The following KCNQ1 variants were observed in gnomAD, a reference collection of about 807,000 sequenced individuals.
KCNQ1 encodes the protein potassium voltage-gated channel subfamily Q member 1.
In KCNQ1, 49 loss-of-function variants were observed where a neutral mutation model predicts 72.4. The ratio of observed to expected loss-of-function variants is 0.68; its 90% CI spans 0.54 to 0.86. The LOEUF (loss-of-function observed/expected upper bound fraction) is 0.86. Among genes scored for constraint, KCNQ1 ranks in the 40% least tolerant of loss-of-function variants. The probability of loss-of-function intolerance (pLI) is 0.00; values close to 1 mark genes in which losing one functional copy is unlikely to be tolerated. For synonymous variants in KCNQ1, 450 were observed against 412.6 expected, an observed-to-expected ratio of 1.09 and a Z score of -1.10; for missense variants, 790 against 945.1, an observed-to-expected ratio of 0.84 and a Z score of 2.15.
In KCNQ1 at chr11:2,623,146, G is replaced by A; in HGVS notation, c.1393+34292G>A. On this transcript the variant is annotated intron_variant, in intron 10 of 15. Coordinates refer to ENST00000155840, the MANE Select transcript of KCNQ1 (RefSeq NM_000218.3). The surrounding 1 kb of genome is among the most constrained non-coding windows in gnomAD (Gnocchi z 5.2). ...CCATCTCACTTTCTTTCCCTCTCCT[G>A]TTCTGCCATGGTAAAGATGTGCCTG... is the stretch of plus-strand genomic sequence containing the variant. 2 of 398,606 alleles carry A rather than the reference G, an allele frequency of 5.0e-6. No homozygotes were observed. Among genetic ancestry groups the A allele is most frequent in the East Asian group, 3.6e-5 (1 of 28,070 alleles). The allele number at this position is 398,606 out of a possible 1,614,324, so 24.7% of individuals were successfully genotyped here.
At position 2,670,910 on chromosome 11, in the gene KCNQ1, G is replaced by A. The variant is rs1175860715; in HGVS notation, c.1514+8829G>A. 1.3e-5 allele frequency: 5 copies of A among 398,688 alleles called. No individual in the cohort carries two copies. Among genetic ancestry groups the A allele is most frequent in the Middle Eastern group, 6.3e-4 (1 of 1,588 alleles). 24.7% of individuals were successfully genotyped at this position (398,688 alleles called of 1,614,324 possible). The stretch of plus-strand genomic sequence containing the variant: ...TGGATTGCCTGGACAAGGCTGACCT[G>A]CCCTCCCAGGATGCAAATTGGCAGG... On this transcript the variant is annotated intron_variant, in intron 11 of 15. Transcript: ENST00000155840. This position sits in a 1 kb window ranked among gnomAD's most constrained non-coding sequence, Gnocchi z 4.9.
chr11:2,558,766 G>A (rs1564816414), intron 2 of KCNQ1, among the ~76,000 whole-genome samples: 1 of 152,160 alleles, frequency 6.6e-6, no homozygotes, highest in African/African-American at 2.4e-5. Context: ...TAAAATTACT[G>A]AGAGGCCCCA....
chr11:2,461,321 G>A (rs1260398462), intron 1 of KCNQ1: 3 of 888,616 alleles, frequency 3.4e-6, no homozygotes, highest in Non-Finnish European at 4.5e-6. Context: ...CAGATTTGTA[G>A]TCTGGTTGCT....
rs1846708751 is a variant in KCNQ1 at position 2,484,766 on chromosome 11, G to A, written c.386+39282G>A. On this transcript the variant is annotated intron_variant, in intron 1 of 15. Coordinates refer to ENST00000155840, the MANE Select transcript of KCNQ1 (RefSeq NM_000218.3). The surrounding 1 kb of genome is among the most constrained non-coding windows in gnomAD (Gnocchi z 5.2). Reference sequence around the variant, plus strand: ...CGCCCACTCGGCCGACGGAGCTGGGGAATATGTGTATGGCACCCCCACGTC... The same window carrying A: ...CGCCCACTCGGCCGACGGAGCTGGGAAATATGTGTATGGCACCCCCACGTC... 6.6e-6 allele frequency among the ~76,000 whole-genome samples: 1 copy of A among 152,186 alleles called. No individual in the cohort carries two copies. Among genetic ancestry groups the A allele is most frequent in the Non-Finnish European group, 1.5e-5 (1 of 68,032 alleles).
intron 2 of KCNQ1, among the ~76,000 whole-genome samples, chr11:2,556,320 T>C (rs1848070042): frequency 6.6e-6 from 1 of 152,190 alleles, no homozygotes; most frequent in Admixed American, 6.5e-5. Flanking sequence ...TGCTGGAGGG[T>C]CTAGGACCTC....
intron 11 of KCNQ1, among the ~76,000 whole-genome samples, chr11:2,761,320 G>A (rs552749929): frequency 8.5e-5 from 13 of 152,138 alleles, no homozygotes; most frequent in Admixed American, 3.9e-4. Context: ...TGTTCCTCTC[G>A]ACCTACCCTC....
At chr11:2,625,526 A>G (rs1013186211) in intron 10 of KCNQ1, 2 of 396,190 alleles carry the variant, frequency 5.0e-6, no homozygotes, top group African/African-American at 2.1e-5. Flanking sequence ...TTCACGTACT[A>G]TTATCCATTT....
intron 11 of KCNQ1, chr11:2,667,557 CT>C (rs1003626452): frequency 1.5e-4 from 20 of 133,942 alleles, no homozygotes; most frequent in African/African-American, 5.7e-4. Context: ...CATGGAGACA[CT>C]TCTGGCAGTT....
Position 2,848,943 on chromosome 11 carries a change from T to C in KCNQ1, c.*940T>C. The C allele has an allele frequency of 2.2e-6, 1 of 454,128 alleles. No individual in the cohort carries two copies. The allele number at this position is 454,128 out of a possible 1,614,324, so 28.1% of individuals were successfully genotyped here. On this transcript the variant is annotated 3_prime_UTR_variant, in exon 16 of 16. Coordinates refer to ENST00000155840, the MANE Select transcript of KCNQ1 (RefSeq NM_000218.3). ...GTTTTAATGAGTTTCACAGTGTGAT[T>C]TTGATTATTAATTGTGCAAGCTTTT...
intron 1 of KCNQ1, among the ~76,000 whole-genome samples, chr11:2,460,366 A>T (rs998894900): frequency 6.6e-6 from 1 of 152,114 alleles, no homozygotes; most frequent in Non-Finnish European, 1.5e-5. Context: ...GAGGGCAGCA[A>T]TGCCCCAAGG....
intron 1 of KCNQ1, 103 bp downstream of exon 1, chr11:2,445,587 C>A: frequency 1.5e-6 from 2 of 1,341,240 alleles, no homozygotes; most frequent in South Asian, 1.2e-5. Flanking sequence ...GCTGCGACCC[C>A]GGAGCAGAGG....
chr11:2,835,966 G>A (rs1848059332), intron 15 of KCNQ1, among the ~76,000 whole-genome samples: 1 of 152,102 alleles, frequency 6.6e-6, no homozygotes, highest in Non-Finnish European at 1.5e-5. Flanking sequence ...GTGGTCCCAG[G>A]GGTCGGGGAC....
At chr11:2,689,380 G>C (rs1850551256) in intron 11 of KCNQ1, 1 of 398,600 alleles carries the variant, frequency 2.5e-6, no homozygotes, top group Non-Finnish European at 4.4e-6. Flanking sequence ...GTGCTTGAGT[G>C]GGGTGGAAGA....
chr11:2,473,906 G>T lies in KCNQ1; in HGVS notation c.386+28422G>T, dbSNP rs1459378388. 6.6e-6 allele frequency among the ~76,000 whole-genome samples: 1 copy of T among 152,220 alleles called. No homozygotes were observed. Among genetic ancestry groups the T allele is most frequent in the African/African-American group, 2.4e-5 (1 of 41,476 alleles). ...GGAGCCTGGGAGAGCCCTGCCTCCCGGAACGGACATCCTCCTTCACCAAAT... is the reference window on the plus strand; with the variant it reads ...GGAGCCTGGGAGAGCCCTGCCTCCCTGAACGGACATCCTCCTTCACCAAAT... On this transcript the variant is annotated intron_variant, in intron 1 of 15. Transcript: ENST00000155840. The surrounding 1 kb of genome is among the most constrained non-coding windows in gnomAD (Gnocchi z 6.0).
Position 2,682,173 on chromosome 11 carries a change from T to A in KCNQ1, c.1514+20092T>A, listed in dbSNP as rs1850409502. 5 of 398,468 alleles carry A rather than the reference T, an allele frequency of 1.3e-5. No homozygotes were observed. Among genetic ancestry groups the A allele is most frequent in the Non-Finnish European group, 1.8e-5 (4 of 226,070 alleles). 24.7% of individuals were successfully genotyped at this position (398,468 alleles called of 1,614,324 possible). The stretch of plus-strand genomic sequence containing the variant: ...TCAGTATTAAACATATCAAGCTCTC[T>A]CCTGACCTTCTCTCCCCTTCCCCAG... On this transcript the variant is annotated intron_variant, in intron 11 of 15. Transcript: ENST00000155840. The surrounding 1 kb of genome is among the most constrained non-coding windows in gnomAD (Gnocchi z 5.8).
intron 1 of KCNQ1, among the ~76,000 whole-genome samples, chr11:2,514,214 C>T (rs577960252): frequency 3.8e-4 from 58 of 152,344 alleles, no homozygotes; most frequent in African/African-American, 1.2e-3. Flanking sequence ...CTGGCCGGGG[C>T]GCATTTCCGT....
rs2133607744 is a variant in KCNQ1 at position 2,478,080 on chromosome 11, C to A, written c.386+32596C>A. On this transcript the variant is annotated intron_variant, in intron 1 of 15. Transcript: ENST00000155840. This position sits in a 1 kb window ranked among gnomAD's most constrained non-coding sequence, Gnocchi z 4.0. ...TTAACATCACCAGGAATGGGACAGGCCAGCTTCACCACCCTCCGGATGGAC... is the reference window on the plus strand; with the variant it reads ...TTAACATCACCAGGAATGGGACAGGACAGCTTCACCACCCTCCGGATGGAC... 6.6e-6 allele frequency among the ~76,000 whole-genome samples: 1 copy of A among 152,294 alleles called. No homozygotes were observed. Among genetic ancestry groups the A allele is most frequent in the African/African-American group, 2.4e-5 (1 of 41,574 alleles).
In KCNQ1 at chr11:2,659,446, T is replaced by G. The variant is rs1323488434; in HGVS notation, c.1394-2515T>G. On this transcript the variant is annotated intron_variant, in intron 10 of 15. Coordinates refer to ENST00000155840, the MANE Select transcript of KCNQ1 (RefSeq NM_000218.3). The surrounding 1 kb of genome is among the most constrained non-coding windows in gnomAD (Gnocchi z 4.3). ...TTGCATAAATCATTAGTTAATTTCT[T>G]TTTATTGCTGGGTGGTATTCCATTG... The G allele has an allele frequency of 2.5e-6, 1 of 398,486 alleles. No individual in the cohort carries two copies. Among genetic ancestry groups the G allele is most frequent in the Non-Finnish European group, 4.4e-6 (1 of 226,046 alleles). 24.7% of individuals were successfully genotyped at this position (398,486 alleles called of 1,614,324 possible).
Position 2,653,048 on chromosome 11 carries a change from T to C in KCNQ1, c.1394-8913T>C. The C allele has an allele frequency of 2.5e-6, 1 of 398,688 alleles. No individual in the cohort carries two copies. The highest frequency in any genetic ancestry group is 4.4e-6 in the Non-Finnish European group (1 of 226,086). The allele number at this position is 398,688 out of a possible 1,614,324, so 24.7% of individuals were successfully genotyped here. A position where few individuals can be genotyped will look rare whatever the true frequency, so the allele number is the denominator to read the frequency against. The stretch of plus-strand genomic sequence containing the variant: ...CTTTGATCCAATGTGAGATCCAACA[T>C]GTTCCATAATTTGCATCAAACATCC... On this transcript the variant is annotated intron_variant, in intron 10 of 15. Coordinates refer to ENST00000155840, the MANE Select transcript of KCNQ1 (RefSeq NM_000218.3). This position sits in a 1 kb window ranked among gnomAD's most constrained non-coding sequence, Gnocchi z 5.3.
Sources: allele counts gnomAD v4.1 joint callset (sites outside exome capture counted in the v4.1 genomes callset), GRCh38; gene constraint gnomAD v4.1.1; non-coding constraint Gnocchi (gnomAD v3.1); transcripts MANE v1.5; gene names NCBI Gene and HGNC (gene_info 2026-07-23, HGNC 2026-07-21).